RPA1: variants seen among roughly 807,000 people sequenced by gnomAD.
The protein encoded by RPA1 is replication protein A1, also known as replication protein A 70 kDa DNA-binding subunit.
Under a neutral mutation model 83.0 loss-of-function variants are expected in RPA1, and 49 were observed. That is an observed-to-expected ratio of 0.59 (90% confidence interval 0.47 to 0.75). The LOEUF is 0.75. RPA1 is among the 30% of genes least tolerant of loss of function. RPA1 has a pLI of 0.00. For missense variants in RPA1, 693 were observed against 776.1 expected (o/e 0.89, Z 1.27); for synonymous variants, 279 against 281.8 (o/e 0.99, Z 0.10).
At position 1,842,866 on chromosome 17, in the gene RPA1, G is replaced by C. The variant is rs774102699; in HGVS notation, c.84+13G>C. The C allele has an allele frequency of 5.0e-6, 8 of 1,612,842 alleles. No individual in the cohort carries two copies. The South Asian group carries it at 7.7e-5, about 16-fold the overall frequency. The stretch of plus-strand genomic sequence containing the variant: ...CCTCCAAGTCATCGTAAGTACCTGC[G>C]TATGTTATGTTCCATGTCAACTTCT... On this transcript the variant is annotated intron_variant, in intron 2 of 16. Coordinates refer to ENST00000254719, the MANE Select transcript of RPA1 (RefSeq NM_002945.5).
chr17:1,863,234 A>G lies in RPA1; in HGVS notation c.362-9200A>G, dbSNP rs192840637. On this transcript the variant is annotated intron_variant, in intron 5 of 16. Transcript: ENST00000254719. ...TTTTATTTTATTTTATTTTTTTGAG[A>G]CGAGTCTCACTCTGTCACCCAGGCT... 8.0e-5 allele frequency among the ~76,000 whole-genome samples: 5 copies of G among 62,408 alleles called. No homozygotes were observed. The East Asian group carries it at 2.6e-3, about 32-fold the overall frequency. The allele number at this position is 62,408 out of a possible 152,430, so 40.9% of individuals were successfully genotyped here.
In RPA1 at chr17:1,875,683, T is replaced by C. The variant is rs1913547390; in HGVS notation, c.477T>C (p.Tyr159=). 1.9e-6 allele frequency: 3 copies of C among 1,614,068 alleles called. No individual in the cohort carries two copies. Among genetic ancestry groups the C allele is most frequent in the Admixed American group, 3.3e-5 (2 of 60,004 alleles). ...SGMGSTVSKA[Y]GASKTFGKAA... The stretch of plus-strand genomic sequence containing the variant: ...AAGGTTCTACTGTTTCTAAGGCTTA[T>C]GGTGCTTCAAAGACATTTGGAAAAG... The change falls in exon 7 of 17, where the codon TAT becomes TAC. Residue 159 remains tyrosine, a synonymous_variant. Transcript: ENST00000254719.
chr17:1,864,294 T>C (rs1294600864), intron 5 of RPA1, among the ~76,000 whole-genome samples: 1 of 152,224 alleles, frequency 6.6e-6, no homozygotes, highest in East Asian at 1.9e-4. Context: ...CCCAGCACTT[T>C]GGGAGGCTGA....
chr17:1,897,391 A>G lies in RPA1; in HGVS notation c.*216A>G, dbSNP rs1914484341. The G allele has an allele frequency of 4.0e-6, 2 of 494,334 alleles. No homozygotes were observed. The highest frequency in any genetic ancestry group is 7.1e-6 in the Non-Finnish European group (2 of 279,782). 30.6% of individuals were successfully genotyped at this position (494,334 alleles called of 1,614,324 possible). A position where few individuals can be genotyped will look rare whatever the true frequency, so the allele number is the denominator to read the frequency against. On this transcript the variant is annotated 3_prime_UTR_variant, in exon 17 of 17. Coordinates refer to ENST00000254719, the MANE Select transcript of RPA1 (RefSeq NM_002945.5). Reference sequence around the variant, plus strand: ...GGTGTAGACTGTGTCAGGCCTACGGAGTCAGCCAGTGGCTAGCGCAAGACC... The same window carrying G: ...GGTGTAGACTGTGTCAGGCCTACGGGGTCAGCCAGTGGCTAGCGCAAGACC...
Position 1,830,071 on chromosome 17 carries a change from G to A in RPA1, c.-23G>A, listed in dbSNP as rs1439998767. On this transcript the variant is annotated 5_prime_UTR_variant, in exon 1 of 17. Transcript: ENST00000254719. ...AAGCTGGAGCTGTTGCGGGGTCCGC[G>A]GGGAAGTCTTGGCGGTGGAGCCATG... is the stretch of plus-strand genomic sequence containing the variant. 1 of 1,249,546 alleles carries A rather than the reference G, an allele frequency of 8.0e-7. No homozygotes were observed. Among genetic ancestry groups the A allele is most frequent in the Non-Finnish European group, 1.0e-6 (1 of 988,288 alleles). The allele number at this position is 1,249,546 out of a possible 1,614,324, so 77.4% of individuals were successfully genotyped here.
Position 1,872,511 on chromosome 17 carries a change from G to A in RPA1, c.439G>A (p.Gly147Arg). Residue 147 changes from glycine to arginine, a missense_variant, in exon 6 of 17, where the codon GGA (glycine) becomes AGA (arginine). By Grantham distance (125) the Gly-to-Arg change is moderately radical. Transcript: ENST00000254719. ...AASSRPQPQN[G>R]SSGMGSTVSK... Reference sequence around the variant, plus strand: ...AAGCAGCAGGCCCCAGCCGCAGAATGGAAGCTCGGGAATGGGTGAGATGCC... The same window carrying A: ...AAGCAGCAGGCCCCAGCCGCAGAATAGAAGCTCGGGAATGGGTGAGATGCC... The A allele has an allele frequency of 6.2e-7, 1 of 1,613,822 alleles. No individual in the cohort carries two copies. Among genetic ancestry groups the A allele is most frequent in the Non-Finnish European group, 8.5e-7 (1 of 1,179,980 alleles).
At chr17:1,863,223 A>ATTTTATTTT in intron 5 of RPA1, among the ~76,000 whole-genome samples, 1 of 139,312 alleles carries the variant, frequency 7.2e-6, no homozygotes, top group Middle Eastern at 3.5e-3. Context: ...ATTTTATTTT[A>ATTTTATTTT]TTTTTTTGAG....
chr17:1,893,239 G>A (rs770193604), intron 15 of RPA1, among the ~76,000 whole-genome samples: 25 of 152,282 alleles, frequency 1.6e-4, no homozygotes, highest in African/African-American at 4.1e-4. Flanking sequence ...TTTAAGGCCC[G>A]AGTAAGCCTT....
chr17:1,847,747 A>G (rs558648127), intron 4 of RPA1, among the ~76,000 whole-genome samples: 1 of 152,328 alleles, frequency 6.6e-6, no homozygotes, highest in South Asian at 2.1e-4. Flanking sequence ...TTGGCCAGGC[A>G]CAGTGGCTCA....
At chr17:1,870,203 A>C (rs1396495741) in intron 5 of RPA1, among the ~76,000 whole-genome samples, 1 of 152,104 alleles carries the variant, frequency 6.6e-6, no homozygotes, top group Non-Finnish European at 1.5e-5. Flanking sequence ...ACGTACCTGC[A>C]CTCTCCTGAA....
chr17:1,894,863 T>G lies in RPA1; in HGVS notation c.1660-146T>G. ...TAAGATTCTACTTAAAACAGTTTCA[T>G]GTAATGTTACCTGTAGATGAGTCAT... On this transcript the variant is annotated intron_variant, in intron 15 of 16. Coordinates refer to ENST00000254719, the MANE Select transcript of RPA1 (RefSeq NM_002945.5). 3 of 597,480 alleles carry G rather than the reference T, an allele frequency of 5.0e-6. No homozygotes were observed. In the South Asian group the frequency reaches 5.9e-5, roughly 12 times the overall value. The allele number at this position is 597,480 out of a possible 1,614,324, so 37.0% of individuals were successfully genotyped here.
chr17:1,846,874 C>T (rs1912284434), intron 4 of RPA1, among the ~76,000 whole-genome samples: 1 of 152,116 alleles, frequency 6.6e-6, no homozygotes, highest in African/African-American at 2.4e-5. Context: ...TTTCTCTCTT[C>T]TACTCCTCAA....
intron 1 of RPA1, among the ~76,000 whole-genome samples, chr17:1,834,284 T>TG (rs1202849978): frequency 6.6e-6 from 1 of 152,138 alleles, no homozygotes; most frequent in Non-Finnish European, 1.5e-5. Context: ...CTCAAACTCC[T>TG]GGGCTTAAGC....
At chr17:1,844,111 T>A (rs2151271452) in intron 3 of RPA1, 113 bp downstream of exon 3, 1 of 797,604 alleles carries the variant, frequency 1.3e-6, no homozygotes, top group South Asian at 1.7e-5. Flanking sequence ...CTTGCTTGGC[T>A]ACGTACTTCA....
intron 13 of RPA1, 56 bp from the exon 14 acceptor site, chr17:1,888,619 T>G: frequency 1.3e-6 from 2 of 1,555,000 alleles, no homozygotes; most frequent in Non-Finnish European, 8.7e-7. Flanking sequence ...TGCCTCTCGG[T>G]CCGATCCTGG....
intron 12 of RPA1, among the ~76,000 whole-genome samples, 183 bp downstream of exon 12, chr17:1,880,874 C>A (rs1377840477): frequency 1.3e-5 from 2 of 152,138 alleles, no homozygotes; most frequent in African/African-American, 4.8e-5. Flanking sequence ...AACGGACAAA[C>A]CTGTAATCCC....
chr17:1,874,010 AAAATATAT>A (rs1341620369), intron 6 of RPA1, among the ~76,000 whole-genome samples: 1 of 100,962 alleles, frequency 9.9e-6, no homozygotes, highest in Non-Finnish European at 1.8e-5. Flanking sequence ...AAAAAAAAAA[AAAATATAT>A]ATATATATAT....
chr17:1,844,345 A>T (rs1286200973), intron 3 of RPA1, among the ~76,000 whole-genome samples: 1 of 152,182 alleles, frequency 6.6e-6, no homozygotes, highest in Non-Finnish European at 1.5e-5. Flanking sequence ...AAGGGGAGAA[A>T]GGAGAGAATT....
rs772830904 is a variant in RPA1 at position 1,891,870 on chromosome 17, C to A, written c.1589C>A (p.Thr530Asn). 3.1e-6 allele frequency: 5 copies of A among 1,605,580 alleles called. No homozygotes were observed. The South Asian group carries it at 4.4e-5, about 14-fold the overall frequency. Reference sequence around the variant, plus strand: ...GATTTTCAAGAGAATCAGTGGGTGACTTGTTTCCAGGAGTCTGCTGAAGCT... The same window carrying A: ...GATTTTCAAGAGAATCAGTGGGTGAATTGTTTCCAGGAGTCTGCTGAAGCT... ...IADFQENQWV[T>N]CFQESAEAIL... The change falls in exon 15 of 17, where the codon ACT becomes AAT. Residue 530 changes from threonine to asparagine, a missense_variant. Physicochemically the swap from Thr to Asn is moderately conservative, Grantham distance 65. Transcript: ENST00000254719.
Sources: allele counts gnomAD v4.1 joint callset (sites outside exome capture counted in the v4.1 genomes callset), GRCh38; gene constraint gnomAD v4.1.1; transcripts MANE v1.5; gene names NCBI Gene and HGNC (gene_info 2026-07-23, HGNC 2026-07-21).